MYO1F: variants seen among roughly 807,000 people sequenced by gnomAD.
MYO1F encodes the protein myosin IF, also known as unconventional myosin-If.
In MYO1F, 60 loss-of-function variants were observed where a neutral mutation model predicts 146.6. The observed-to-expected ratio is 0.41, with a 90% confidence interval of 0.33 to 0.51. The LOEUF (loss-of-function observed/expected upper bound fraction) is 0.51, where lower values mean the gene tolerates loss of function less well. MYO1F is among the 20% of genes least tolerant of loss of function. MYO1F has a pLI of 0.25. For synonymous variants in MYO1F, 602 were observed against 602.1 expected (o/e 1.00, Z 0.00); for missense variants, 1,274 against 1,534.3 (o/e 0.83, Z 2.83).
intron 21 of MYO1F, among the ~76,000 whole-genome samples, chr19:8,528,449 G>C (rs557781069): frequency 2.0e-5 from 3 of 150,294 alleles, no homozygotes; most frequent in African/African-American, 7.4e-5. Flanking sequence ...AATTGCTTGA[G>C]CCTGGGAGGC....
rs372172916 is a variant in MYO1F, at chr19:8,530,587, G to A, written c.2044-14C>T. The A allele has an allele frequency of 1.9e-4, 297 of 1,600,504 alleles. No homozygotes were observed. Among genetic ancestry groups the A allele is most frequent in the Non-Finnish European group, 2.1e-4 (241 of 1,173,376 alleles). On this transcript the variant is annotated splice_polypyrimidine_tract_variant and intron_variant, in intron 19 of 27. Transcript: ENST00000644032. This position sits in a 1 kb window ranked among gnomAD's most constrained non-coding sequence, Gnocchi z 5.8. ...CAGGAGGAAAAGCTGGGCGGGGGTC[G>A]TGGGGGGCAAGGGTGAGTCCTGGTG...
intron 1 of MYO1F, among the ~76,000 whole-genome samples, chr19:8,574,858 T>G (rs1420467338): frequency 1.3e-5 from 2 of 148,284 alleles, no homozygotes; most frequent in Non-Finnish European, 3.0e-5. Flanking sequence ...TGGGTTCAAG[T>G]GATTCTCCTA....
chr19:8,571,140 GCAAA>G (rs2042099862), intron 1 of MYO1F, among the ~76,000 whole-genome samples: 1 of 152,346 alleles, frequency 6.6e-6, no homozygotes, highest in East Asian at 1.9e-4. Context: ...ATTGAAGACA[GCAAA>G]CAAACAGCCA....
chr19:8,571,064 T>C (rs1325247062), intron 1 of MYO1F, among the ~76,000 whole-genome samples: 2 of 152,182 alleles, frequency 1.3e-5, no homozygotes. Flanking sequence ...GGAGGGAGCT[T>C]TTGCAACTCA....
At chr19:8,522,230 G>C in intron 27 of MYO1F, 147 bp downstream of exon 27, 1 of 1,011,410 alleles carries the variant, frequency 9.9e-7, no homozygotes, top group Middle Eastern at 2.2e-4. Flanking sequence ...CACTGTGTTA[G>C]CCAGGATGGT....
intron 12 of MYO1F, among the ~76,000 whole-genome samples, chr19:8,546,754 C>G (rs995359620): frequency 6.6e-6 from 1 of 152,208 alleles, no homozygotes; most frequent in South Asian, 2.1e-4. Flanking sequence ...TCTCGACTCA[C>G]TACAAGCTCT....
intron 14 of MYO1F, among the ~76,000 whole-genome samples, chr19:8,543,637 C>G (rs534063663): frequency 1.5e-5 from 2 of 136,200 alleles, no homozygotes; most frequent in Non-Finnish European, 3.1e-5. Context: ...CCAGGGAACA[C>G]GGTGGTGGTG....
chr19:8,527,905 G>A (rs1271020905), intron 21 of MYO1F, among the ~76,000 whole-genome samples: 4 of 152,180 alleles, frequency 2.6e-5, no homozygotes, highest in East Asian at 3.9e-4. Flanking sequence ...GCGCCACCAC[G>A]CCTGGCCATG....
chr19:8,523,075 A>G (rs1006372262), intron 25 of MYO1F, among the ~76,000 whole-genome samples: 1 of 151,022 alleles, frequency 6.6e-6, no homozygotes, highest in African/African-American at 2.4e-5. Context: ...TCAGTCGCTC[A>G]GGCTGGAGTG....
In MYO1F at chr19:8,555,692, G is replaced by A; in HGVS notation, c.108C>T (p.Asn36=). Residue 36 remains asparagine (N), a synonymous_variant, in exon 2 of 28, where the codon AAC becomes AAT. Coordinates refer to ENST00000644032, the MANE Select transcript of MYO1F (RefSeq NM_012335.4). ...PQITEDAIAA[N]LRKRFMDDYI... ...AGTCGTCCATGAAGCGCTTCCGGAG[G>A]TTGGCGGCAATGGCGTCTTCGGTGA... 6.2e-7 allele frequency: 1 copy of A among 1,614,200 alleles called. No individual in the cohort carries two copies. The highest frequency in any genetic ancestry group is 2.2e-5 in the East Asian group (1 of 44,876).
In MYO1F at chr19:8,549,980, G is replaced by A. The variant is rs1394277070; in HGVS notation, c.1101+180C>T. On this transcript the variant is annotated intron_variant, in intron 10 of 27. Transcript: ENST00000644032. ...TACACCCAACTAATTTGAAATTTCT[G>A]TAGAGATGGGGGTCTTGCTATGTTG... The A allele has an allele frequency of 3.0e-5, 21 of 698,550 alleles. 1 individual carries two copies. Among genetic ancestry groups the A allele is most frequent in the East Asian group, 2.7e-4 (10 of 36,832 alleles). The allele number at this position is 698,550 out of a possible 1,614,324, so 43.3% of individuals were successfully genotyped here.
intron 6 of MYO1F, 98 bp downstream of exon 6, chr19:8,553,041 C>CT: frequency 1.7e-6 from 2 of 1,190,732 alleles, no homozygotes; most frequent in Non-Finnish European, 2.5e-6. Context: ...TCAATGGACT[C>CT]TTGTCTTGGC....
intron 6 of MYO1F, 50 bp from the exon 7 acceptor site, chr19:8,552,214 G>T (rs377040493): frequency 1.9e-5 from 30 of 1,609,476 alleles, no homozygotes; most frequent in South Asian, 7.7e-5. Context: ...GGGTGCAGGT[G>T]GGGGAAGGGT....
chr19:8,573,568 C>T (rs1409687330), intron 1 of MYO1F, among the ~76,000 whole-genome samples: 2 of 151,810 alleles, frequency 1.3e-5, no homozygotes, highest in African/African-American at 2.4e-5. Flanking sequence ...ATCTAGTCAT[C>T]GGCCAGGCAC....
chr19:8,524,363 G>A (rs1156418914), intron 25 of MYO1F, among the ~76,000 whole-genome samples: 5 of 147,444 alleles, frequency 3.4e-5, no homozygotes, highest in African/African-American at 7.7e-5. Flanking sequence ...GTTGCAGTGC[G>A]CTGAGACCGC....
At chr19:8,522,872 T>TA in intron 25 of MYO1F, 43 bp from the exon 26 acceptor site, 1 of 1,510,572 alleles carries the variant, frequency 6.6e-7, no homozygotes, top group Non-Finnish European at 8.9e-7. Flanking sequence ...AGGGTGATGC[T>TA]AGGAGGATTT....
intron 12 of MYO1F, among the ~76,000 whole-genome samples, chr19:8,546,363 T>C (rs866101949): frequency 1.5e-4 from 20 of 134,534 alleles, no homozygotes; most frequent in Middle Eastern, 3.6e-3. Flanking sequence ...CGCACACAGC[T>C]TGCTTTTTTT....
chr19:8,525,495 G>A lies in MYO1F; in HGVS notation c.2838C>T (p.Ala946=). 1.9e-6 allele frequency: 3 copies of A among 1,613,406 alleles called. No individual in the cohort carries two copies. Among genetic ancestry groups the A allele is most frequent in the South Asian group, 1.1e-5 (1 of 91,084 alleles). ...RRSSQAPTRA[A]PAPPRGMDRN... ...GCTCCTCACCTCTGGGGGGCGCAGG[G>A]GCCGCCCGGGTAGGGGCTTGGGACG... The change falls in exon 25 of 28, where the codon GCC becomes GCT. Residue 946 remains alanine, a synonymous_variant. Coordinates refer to ENST00000644032, the MANE Select transcript of MYO1F (RefSeq NM_012335.4).
At chr19:8,541,704 C>T (rs1461307869) in intron 15 of MYO1F, 3 of 606,978 alleles carry the variant, frequency 4.9e-6, no homozygotes, top group East Asian at 2.9e-5. Flanking sequence ...GCTGGGATTA[C>T]AGGCGTGAGC....
Sources: gnomAD v4.1 joint callset for allele counts (sites outside exome capture counted in the v4.1 genomes callset) on GRCh38, gnomAD v4.1.1 for gene constraint, Gnocchi (gnomAD v3.1) non-coding constraint, MANE v1.5 for transcripts, NCBI Gene and HGNC (gene_info 2026-07-23, HGNC 2026-07-21) for gene names.